GALC: variants seen among roughly 807,000 people sequenced by gnomAD.
The protein encoded by GALC is galactocerebrosidase.
Under a neutral mutation model 91.8 loss-of-function variants are expected in GALC, and 77 were observed. The ratio of observed to expected loss-of-function variants is 0.84; its 90% CI spans 0.70 to 1.01. The LOEUF (loss-of-function observed/expected upper bound fraction) is 1.01. Among genes scored for constraint, GALC ranks in the 50% least tolerant of loss-of-function variants. The pLI, the probability that GALC is intolerant of heterozygous loss-of-function variation, is 0.00. For missense variants in GALC, 882 were observed against 855.9 expected, an observed-to-expected ratio of 1.03 and a Z score of -0.38; for synonymous variants, 357 against 306.7, an observed-to-expected ratio of 1.16 and a Z score of -1.71.
At position 87,950,644 on chromosome 14, in the gene GALC, A is replaced by C; in HGVS notation, c.1251+15T>G. 1 of 1,475,158 alleles carries C rather than the reference A, an allele frequency of 6.8e-7. No individual in the cohort carries two copies. 91.4% of individuals were successfully genotyped at this position (1,475,158 alleles called of 1,614,324 possible). ...TTAAATCAAAACTAAAATAAAGTTA[A>C]ACATATTTACTTACAAAAGATCCCT... On this transcript the variant is annotated intron_variant, in intron 11 of 16. Coordinates refer to ENST00000261304, the MANE Select transcript of GALC (RefSeq NM_000153.4).
Position 87,993,081 on chromosome 14 carries a change from C to G in GALC, c.84G>C (p.Ala28=). The G allele has an allele frequency of 6.3e-7, 1 of 1,579,618 alleles. No individual in the cohort carries two copies. The highest frequency in any genetic ancestry group is 8.6e-7 in the Non-Finnish European group (1 of 1,163,808). Residue 28 remains alanine, a synonymous_variant, in exon 1 of 17, where the codon GCG becomes GCC. Coordinates refer to ENST00000261304, the MANE Select transcript of GALC (RefSeq NM_000153.4). The part of the protein sequence containing the change: ...TAAAGSAGRA[A]VPLLLCALLA... ...GCAGCGCACACAGCAGCAAGGGCAC[C>G]GCGGCGCGGCCCGCCGAACCCGCGG...
chr14:87,955,142 AT>A, intron 10 of GALC: 1 of 1,334,510 alleles, frequency 7.5e-7, no homozygotes, highest in Non-Finnish European at 1.1e-6. Flanking sequence ...TTACAACAAG[AT>A]TTCTCCCTCC....
intron 6 of GALC, among the ~76,000 whole-genome samples, chr14:87,977,038 G>GGT (rs1555382932): frequency 6.2e-5 from 9 of 145,382 alleles, no homozygotes; most frequent in South Asian, 2.3e-4. Context: ...AATATGGGGG[G>GGT]GGGGGGATGA....
In GALC at chr14:87,968,293, AT is replaced by A. The variant is rs754328766; in HGVS notation, c.908+41del. On this transcript the variant is annotated intron_variant, in intron 8 of 16. Coordinates refer to ENST00000261304, the MANE Select transcript of GALC (RefSeq NM_000153.4). ...TTTTTTCTAACTCTTATGTTTTTAA[AT>A]TTTTTTTGATAAGAACTCTAAAAGG... is the stretch of plus-strand genomic sequence containing the variant. 2.1e-4 allele frequency: 316 copies of A among 1,520,078 alleles called. 1 individual carries two copies. The highest frequency in any genetic ancestry group is 7.7e-4 in the Middle Eastern group (4 of 5,180). The allele number at this position is 1,520,078 out of a possible 1,614,324, so 94.2% of individuals were successfully genotyped here.
intron 7 of GALC, among the ~76,000 whole-genome samples, chr14:87,974,227 G>A (rs1048717371): frequency 2.6e-5 from 4 of 151,494 alleles, no homozygotes; most frequent in South Asian, 2.1e-4. Flanking sequence ...AAAAGAAAAC[G>A]GCCTTGAAAG....
At chr14:87,950,197 G>A (rs938288383) in intron 11 of GALC, among the ~76,000 whole-genome samples, 1 of 151,938 alleles carries the variant, frequency 6.6e-6, no homozygotes, top group African/African-American at 2.4e-5. Flanking sequence ...TACTGTACCT[G>A]TGTAATAACT....
intron 10 of GALC, among the ~76,000 whole-genome samples, chr14:87,961,578 A>G (rs1885807193): frequency 6.6e-6 from 1 of 152,220 alleles, no homozygotes; most frequent in African/African-American, 2.4e-5. Context: ...CAAATATTTT[A>G]AAGTGAAATA....
intron 8 of GALC, among the ~76,000 whole-genome samples, chr14:87,967,863 T>A (rs80053959): frequency 0.11 from 17,195 of 152,160 alleles, 1,144 homozygotes; most frequent in Non-Finnish European, 0.16. Flanking sequence ...TCCTTTTCTT[T>A]AAAAAAGCTA....
At chr14:87,965,707 G>C in intron 8 of GALC, 78 bp from the exon 9 acceptor site, 1 of 1,428,322 alleles carries the variant, frequency 7.0e-7, no homozygotes, top group South Asian at 1.2e-5. Context: ...GGAGTAAAAA[G>C]ACTTTATCAT....
rs1318130334 is a variant in GALC at position 87,934,407 on chromosome 14, A to T, written c.*325T>A. The T allele has an allele frequency of 3.1e-6, 4 of 1,280,046 alleles. No individual in the cohort carries two copies. In the African/African-American group the frequency reaches 4.5e-5, roughly 14 times the overall value. 79.3% of individuals were successfully genotyped at this position (1,280,046 alleles called of 1,614,324 possible). On this transcript the variant is annotated 3_prime_UTR_variant, in exon 17 of 17. Transcript: ENST00000261304. ...ATCTACAGGACCGCTTGCAAATAAG[A>T]TGAAGAGAGCTACCTCAGTGTTAGC...
Position 87,956,572 on chromosome 14 carries a change from T to C in GALC, c.1162-5824A>G, listed in dbSNP as rs12433036. The stretch of plus-strand genomic sequence containing the variant: ...TATATACACGCACCATATATATATA[T>C]ATACACACACACCATATATATACAC... On this transcript the variant is annotated intron_variant, in intron 10 of 16. Coordinates refer to ENST00000261304, the MANE Select transcript of GALC (RefSeq NM_000153.4). Among the ~76,000 whole-genome samples the C allele has an allele frequency of 2.0e-3, 276 of 140,666 alleles. 5 individuals are homozygous for C. Among genetic ancestry groups the C allele is most frequent in the Admixed American group, 0.019 (249 of 12,948 alleles). 92.3% of individuals were successfully genotyped at this position (140,666 alleles called of 152,430 possible).
At chr14:87,975,039 C>A (rs1886438744) in intron 7 of GALC, among the ~76,000 whole-genome samples, 1 of 151,810 alleles carries the variant, frequency 6.6e-6, no homozygotes, top group South Asian at 2.1e-4. Flanking sequence ...TTAACAACAG[C>A]AAAACTTTCA....
At chr14:87,978,749 G>C (rs945459898) in intron 6 of GALC, among the ~76,000 whole-genome samples, 2 of 150,240 alleles carry the variant, frequency 1.3e-5, no homozygotes, top group African/African-American at 4.9e-5. Flanking sequence ...TCAGATCCTA[G>C]ATGAGATTTT....
In GALC at chr14:87,947,781, A is replaced by G. The variant is rs1414778573; in HGVS notation, c.1436T>C (p.Leu479Pro). The G allele has an allele frequency of 1.2e-6, 2 of 1,612,994 alleles. No homozygotes were observed. Among genetic ancestry groups the G allele is most frequent in the East Asian group, 4.5e-5 (2 of 44,820 alleles). The change falls in exon 13 of 17, where the codon CTT becomes CCT. Residue 479 changes from leucine (L) to proline (P), a missense_variant. Coordinates refer to ENST00000261304, the MANE Select transcript of GALC (RefSeq NM_000153.4). Reference protein sequence around the residue: ...LTTGRKGSYPLPPKSQPFPST... With the variant: ...LTTGRKGSYPPPPKSQPFPST... Reference sequence around the variant, plus strand: ...TGGGAAGGGCTGGGATTTTGGAGGAAGCGGGTAGCTGCCTTTGCGACCAGT... The same window carrying G: ...TGGGAAGGGCTGGGATTTTGGAGGAGGCGGGTAGCTGCCTTTGCGACCAGT...
At chr14:87,946,559 T>C (rs1039852335) in intron 13 of GALC, among the ~76,000 whole-genome samples, 3 of 151,974 alleles carry the variant, frequency 2.0e-5, no homozygotes, top group Admixed American at 2.0e-4. Flanking sequence ...ACATTTTATA[T>C]TTGAAGGTTT....
At chr14:87,971,137 C>A (rs1327410638) in intron 7 of GALC, among the ~76,000 whole-genome samples, 1 of 151,982 alleles carries the variant, frequency 6.6e-6, no homozygotes, top group Non-Finnish European at 1.5e-5. Flanking sequence ...AACTGACCAA[C>A]CAGATAAGGG....
intron 10 of GALC, among the ~76,000 whole-genome samples, chr14:87,957,027 A>AT (rs897021528): frequency 2.0e-5 from 3 of 151,422 alleles, no homozygotes; most frequent in Admixed American, 6.6e-5. Context: ...GATGTTGAGC[A>AT]TTTTTTTTAA....
intron 13 of GALC, 46 bp downstream of exon 13, chr14:87,947,682 C>G (rs758807128): frequency 6.4e-7 from 1 of 1,568,712 alleles, no homozygotes; most frequent in Non-Finnish European, 8.8e-7. Context: ...CAACACACTA[C>G]TGTTAAATAT....
intron 6 of GALC, 111 bp downstream of exon 6, chr14:87,982,094 T>TA (rs1886772957): frequency 9.7e-6 from 6 of 620,988 alleles, no homozygotes; most frequent in African/African-American, 3.8e-5. Context: ...AACTGTAGTA[T>TA]AAAAAATACG....
Sources: allele counts gnomAD v4.1 joint callset (sites outside exome capture counted in the v4.1 genomes callset), GRCh38; gene constraint gnomAD v4.1.1; transcripts MANE v1.5; gene names NCBI Gene and HGNC (gene_info 2026-07-23, HGNC 2026-07-21).